Variants in SPATS2L observed in about 807,000 individuals in gnomAD.
The protein encoded by SPATS2L is spermatogenesis associated serine rich 2 like, also known as SPATS2-like protein.
In SPATS2L, 30 loss-of-function variants were observed where a neutral mutation model predicts 59.6. The ratio of observed to expected loss-of-function variants is 0.50; its 90% CI spans 0.38 to 0.68. The LOEUF (loss-of-function observed/expected upper bound fraction) is 0.68. Among genes scored for constraint, SPATS2L ranks in the 30% least tolerant of loss-of-function variants. The probability of loss-of-function intolerance (pLI) is 0.00; values close to 1 mark genes in which losing one functional copy is unlikely to be tolerated. For synonymous variants in SPATS2L, 252 were observed against 263.5 expected, an observed-to-expected ratio of 0.96 and a Z score of 0.42; for missense variants, 615 against 700.0, an observed-to-expected ratio of 0.88 and a Z score of 1.37.
At chr2:200,337,338 C>T (rs1369845) in intron 2 of SPATS2L, among the ~76,000 whole-genome samples, 8 of 151,998 alleles carry the variant, frequency 5.3e-5, no homozygotes, top group Admixed American at 1.3e-4. Context: ...TAGTTATGTG[C>T]GAAATTAAAG....
chr2:200,396,389 G>A (rs1395076902), intron 3 of SPATS2L, among the ~76,000 whole-genome samples: 1 of 152,114 alleles, frequency 6.6e-6, no homozygotes, highest in Non-Finnish European at 1.5e-5. Flanking sequence ...GTCCAGAGAG[G>A]TGACATATTC....
chr2:200,384,504 C>G (rs1386998124), intron 2 of SPATS2L, among the ~76,000 whole-genome samples: 2 of 152,222 alleles, frequency 1.3e-5, no homozygotes. Flanking sequence ...CAGGCGCATG[C>G]CGCCATGCCG....
rs1183913298 is a variant in SPATS2L, at chr2:200,329,466, G to A, written c.-37G>A. On this transcript the variant is annotated 5_prime_UTR_variant, in exon 2 of 13. Coordinates refer to ENST00000409140, the MANE Select transcript of SPATS2L (RefSeq NM_001100423.2). ...AAACCAGGCTGCTTTCAGGAACATT[G>A]CTGTGGATTCCCAGGTGAGTAGAGA... The A allele has an allele frequency of 6.4e-7, 1 of 1,550,504 alleles. No individual in the cohort carries two copies. Among genetic ancestry groups the A allele is most frequent in the Non-Finnish European group, 8.7e-7 (1 of 1,146,958 alleles).
Position 200,467,287 on chromosome 2 carries a change from C to T in SPATS2L, c.848-3C>T, listed in dbSNP as rs766880246. 6.2e-7 allele frequency: 1 copy of T among 1,605,048 alleles called. No individual in the cohort carries two copies. The highest frequency in any genetic ancestry group is 1.7e-5 in the Admixed American group (1 of 59,954). On this transcript the variant is annotated splice_polypyrimidine_tract_variant and splice_region_variant and intron_variant, in intron 9 of 12. Coordinates refer to ENST00000409140, the MANE Select transcript of SPATS2L (RefSeq NM_001100423.2). ...TAATGTATGACTCCTCCTTATTTGG[C>T]AGTGGAAATCCTGACTGCTCGTCAG...
Position 200,480,427 on chromosome 2 carries a change from G to C in SPATS2L, c.*2396G>C, listed in dbSNP as rs1184854992. 2 of 147,806 alleles carry C rather than the reference G, an allele frequency of 1.4e-5. No individual in the cohort carries two copies. The highest frequency in any genetic ancestry group is 3.0e-5 in the Non-Finnish European group (2 of 67,658). 9.2% of individuals were successfully genotyped at this position (147,806 alleles called of 1,614,324 possible). A position where few individuals can be genotyped will look rare whatever the true frequency, so the allele number is the denominator to read the frequency against. Reference sequence around the variant, plus strand: ...AGACAGGGTCTTGCTCTATCACCTAGGCTGGAGTGCATGATCATGGCTCAC... The same window carrying C: ...AGACAGGGTCTTGCTCTATCACCTACGCTGGAGTGCATGATCATGGCTCAC... On this transcript the variant is annotated 3_prime_UTR_variant, in exon 13 of 13. Transcript: ENST00000409140.
intron 8 of SPATS2L, among the ~76,000 whole-genome samples, chr2:200,446,249 C>T (rs1460435890): frequency 5.3e-5 from 8 of 152,080 alleles, no homozygotes; most frequent in Admixed American, 1.3e-4. Context: ...GTGGGAGGAT[C>T]GCTTAAGCCC....
intron 2 of SPATS2L, among the ~76,000 whole-genome samples, chr2:200,364,942 T>G (rs1026700302): frequency 6.6e-6 from 1 of 152,066 alleles, no homozygotes; most frequent in African/African-American, 2.4e-5. Flanking sequence ...TGCTTTGTTT[T>G]GTTTTGTTTT....
At chr2:200,439,522 TAA>T (rs1198319419) in intron 7 of SPATS2L, among the ~76,000 whole-genome samples, 194 bp downstream of exon 7, 1 of 152,202 alleles carries the variant, frequency 6.6e-6, no homozygotes, top group Non-Finnish European at 1.5e-5. Flanking sequence ...CTTGAATATT[TAA>T]ATAGAATTAC....
Position 200,440,723 on chromosome 2 carries a change from A to G in SPATS2L, c.727A>G (p.Lys243Glu). The G allele has an allele frequency of 1.2e-6, 2 of 1,613,692 alleles. No individual in the cohort carries two copies. Among genetic ancestry groups the G allele is most frequent in the Admixed American group, 1.7e-5 (1 of 60,002 alleles). Residue 243 changes from lysine to glutamate, a missense_variant, in exon 8 of 13, where the codon AAG becomes GAG. Around this residue, in one of 3 missense-constraint regions of SPATS2L, gnomAD observed 104 missense variants for 162.5 expected, o/e 0.64. Coordinates refer to ENST00000409140, the MANE Select transcript of SPATS2L (RefSeq NM_001100423.2). ...TCTAACTAGATATCGCGTCATGATT[A>G]AGGAAGAAGTGGATAGTTCCGTGAA... The part of the protein sequence containing the change: ...VSLTRYRVMI[K>E]EEVDSSVKKI...
At chr2:200,426,753 T>G (rs2083607286) in intron 6 of SPATS2L, among the ~76,000 whole-genome samples, 1 of 152,232 alleles carries the variant, frequency 6.6e-6, no homozygotes, top group Non-Finnish European at 1.5e-5. Flanking sequence ...GTTTATATTT[T>G]AAAGCACATA....
Position 200,439,898 on chromosome 2 carries a change from A to C in SPATS2L, c.652+570A>C, listed in dbSNP as rs114499154. On this transcript the variant is annotated intron_variant, in intron 7 of 12. Transcript: ENST00000409140. ...ATACGTAACTGGTATTAAAAATGAA[A>C]ATCACTTCCTTTCTGATTCCCAGAA... Among the ~76,000 whole-genome samples the C allele has an allele frequency of 6.7e-3, 1,020 of 152,326 alleles. 12 individuals carry two copies. The highest frequency in any genetic ancestry group is 0.023 in the African/African-American group (936 of 41,580).
rs1274134121 is a variant in SPATS2L at position 200,306,805 on chromosome 2, C to T, written c.-190C>T. The stretch of plus-strand genomic sequence containing the variant: ...CGGCGCGCGGCCCAGGCAGCGGCTC[C>T]CGCTCGGCCCGCCCTCCGAGCCGCA... On this transcript the variant is annotated 5_prime_UTR_variant, in exon 1 of 13. Transcript: ENST00000409140. The T allele has an allele frequency of 1.0e-6, 1 of 980,916 alleles. No individual in the cohort carries two copies. The highest frequency in any genetic ancestry group is 1.8e-5 in the African/African-American group (1 of 56,800). 60.8% of individuals were successfully genotyped at this position (980,916 alleles called of 1,614,324 possible). A position where few individuals can be genotyped will look rare whatever the true frequency, so the allele number is the denominator to read the frequency against.
chr2:200,376,234 CTATT>C (rs1329977543), intron 2 of SPATS2L, among the ~76,000 whole-genome samples: 2 of 152,104 alleles, frequency 1.3e-5, no homozygotes, highest in Admixed American at 1.3e-4. Flanking sequence ...CACTTTAAAA[CTATT>C]TATTAATTTC....
At chr2:200,346,306 C>T (rs1233289536) in intron 2 of SPATS2L, among the ~76,000 whole-genome samples, 1 of 152,172 alleles carries the variant, frequency 6.6e-6, no homozygotes, top group Admixed American at 6.5e-5. Context: ...CTGTGAACTT[C>T]TTGGGGAACA....
chr2:200,312,979 G>T (rs1298015029), intron 1 of SPATS2L, among the ~76,000 whole-genome samples: 4 of 152,192 alleles, frequency 2.6e-5, no homozygotes, highest in Admixed American at 1.3e-4. Flanking sequence ...ATCTTGGAAG[G>T]TAAGGATTAT....
intron 2 of SPATS2L, among the ~76,000 whole-genome samples, chr2:200,370,637 C>CTA (rs1559074448): frequency 6.6e-6 from 1 of 151,996 alleles, no homozygotes. Context: ...TTCTATTATT[C>CTA]TATATATATT....
At chr2:200,462,492 T>C (rs1366565970) in intron 9 of SPATS2L, among the ~76,000 whole-genome samples, 1 of 152,006 alleles carries the variant, frequency 6.6e-6, no homozygotes, top group Non-Finnish European at 1.5e-5. Flanking sequence ...CAGGTCCTGG[T>C]TTTTGAACTA....
chr2:200,306,164 A>T (rs867815861), upstream of SPATS2L: 31 of 998,246 alleles, frequency 3.1e-5, no homozygotes, highest in Middle Eastern at 1.7e-3. Flanking sequence ...TTTTCAGGTC[A>T]TTTTCGAATG....
chr2:200,474,462 A>G (rs950035882), intron 12 of SPATS2L, among the ~76,000 whole-genome samples: 5 of 151,732 alleles, frequency 3.3e-5, no homozygotes, highest in Non-Finnish European at 5.9e-5. Flanking sequence ...ACGTGCCACC[A>G]CGCCTGACTA....
Sources: gnomAD v4.1 joint callset for allele counts (sites outside exome capture counted in the v4.1 genomes callset) on GRCh38, gnomAD v4.1.1 for gene constraint, gnomAD v4.1.1 regional missense constraint, MANE v1.5 for transcripts, NCBI Gene and HGNC (gene_info 2026-07-23, HGNC 2026-07-21) for gene names.